The following SACS variants were observed in gnomAD, a reference collection of about 807,000 sequenced individuals.
The protein encoded by SACS is sacsin.
In SACS, 197 loss-of-function variants were observed where a neutral mutation model predicts 348.0. That is an observed-to-expected ratio of 0.57 (90% confidence interval 0.50 to 0.64). The LOEUF is 0.64. SACS is among the 30% of genes least tolerant of loss of function. The pLI is 0.00. For synonymous variants in SACS, 1,985 were observed against 1,910.6 expected (o/e 1.04, Z -1.02); for missense variants, 4,999 against 5,360.8 (o/e 0.93, Z 2.11).
intron 1 of SACS, among the ~76,000 whole-genome samples, chr13:23,412,120 G>A (rs1247338272): frequency 2.0e-5 from 3 of 152,220 alleles, no homozygotes; most frequent in East Asian, 3.9e-4. Flanking sequence ...TTAGCCGGGC[G>A]TGGTGGCGGG....
At chr13:23,347,585 G>A (rs1031850547) in intron 9 of SACS, among the ~76,000 whole-genome samples, 9 of 152,140 alleles carry the variant, frequency 5.9e-5, no homozygotes, top group African/African-American at 2.2e-4. Context: ...AGGCAATACT[G>A]ATTGAGTGCT....
chr13:23,340,423 C>A lies in SACS; in HGVS notation c.3453G>T (p.Leu1151Phe). Residue 1151 changes from leucine (L) to phenylalanine (F), a missense_variant, in exon 10 of 10, where the codon TTG becomes TTT. This residue lies in a region of SACS where 3,156 missense variants were observed against 3,380.1 expected (regional missense o/e 0.93). Transcript: ENST00000382292. ...AGGCTGGAACCCATTTTATTTTCTT[C>A]AATGTCATCTTTCCTTCAGATGATT... ...LLQSSEGKMT[L>F]KKIKWVPACK... 6.2e-7 allele frequency: 1 copy of A among 1,614,104 alleles called. No individual in the cohort carries two copies. The highest frequency in any genetic ancestry group is 8.5e-7 in the Non-Finnish European group (1 of 1,180,004).
chr13:23,378,426 A>G, intron 2 of SACS, among the ~76,000 whole-genome samples: 1 of 152,120 alleles, frequency 6.6e-6, no homozygotes, highest in East Asian at 1.9e-4. Flanking sequence ...GAGGTTTTTC[A>G]GTTCCTCTTA....
At position 23,334,589 on chromosome 13, in the gene SACS, G is replaced by A; in HGVS notation, c.9287C>T (p.Ala3096Val). Residue 3096 changes from alanine to valine, a missense_variant, in exon 10 of 10, where the codon GCT becomes GTT. By Grantham distance (64) the Ala-to-Val change is moderately conservative. Coordinates refer to ENST00000382292, the MANE Select transcript of SACS (RefSeq NM_014363.6). ...TGTCATTAAAAAAGATCTGATATCA[G>A]CAGGGGTCACATAACTAACAGGAAT... ...ADIPVSYVTP[A>V]DIRSFLMTFS... 6.2e-7 allele frequency: 1 copy of A among 1,613,414 alleles called. No individual in the cohort carries two copies. The highest frequency in any genetic ancestry group is 8.5e-7 in the Non-Finnish European group (1 of 1,179,706).
At chr13:23,377,561 C>A (rs1024790296) in intron 2 of SACS, among the ~76,000 whole-genome samples, 1 of 152,150 alleles carries the variant, frequency 6.6e-6, no homozygotes, top group Non-Finnish European at 1.5e-5. Flanking sequence ...CCATCCAGTG[C>A]CCTCCACTTG....
Position 23,340,105 on chromosome 13 carries a change from T to A in SACS, c.3771A>T (p.Gly1257=), listed in dbSNP as rs761920446. The A allele has an allele frequency of 8.7e-6, 14 of 1,613,878 alleles. No individual in the cohort carries two copies. In the African/African-American group the frequency reaches 1.7e-4, roughly 20 times the overall value. ...CTTCATTTAGATGATCATGCATGAA[T>A]CCGTAAATCTCAAGCAAAATATGCT... ...QFQHILLEIY[G]FMHDHLNEGK... The change falls in exon 10 of 10, where the codon GGA becomes GGT. Residue 1257 remains glycine (G), a synonymous_variant. Coordinates refer to ENST00000382292, the MANE Select transcript of SACS (RefSeq NM_014363.6).
At chr13:23,393,693 G>A (rs1872611594) in intron 2 of SACS, among the ~76,000 whole-genome samples, 1 of 152,186 alleles carries the variant, frequency 6.6e-6, no homozygotes, top group Non-Finnish European at 1.5e-5. Flanking sequence ...AGTGATAGGA[G>A]TGTCTTTTGT....
At chr13:23,350,715 G>A (rs1374381992) in intron 9 of SACS, among the ~76,000 whole-genome samples, 1 of 152,112 alleles carries the variant, frequency 6.6e-6, no homozygotes, top group Non-Finnish European at 1.5e-5. Context: ...ATCAAATGTA[G>A]TTACATGTCT....
intron 2 of SACS, 84 bp from the exon 3 acceptor site, chr13:23,375,353 T>A (rs1055008482): frequency 4.7e-6 from 6 of 1,276,666 alleles, no homozygotes; most frequent in Non-Finnish European, 5.9e-6. Context: ...CCGCGTTACC[T>A]CTCCCACATC....
Position 23,329,923 on chromosome 13 carries a change from G to A in SACS, c.*213C>T, listed in dbSNP as rs1883359043. The A allele has an allele frequency of 5.2e-6, 3 of 575,768 alleles. No homozygotes were observed. The highest frequency in any genetic ancestry group is 9.2e-6 in the Non-Finnish European group (3 of 324,568). 35.7% of individuals were successfully genotyped at this position (575,768 alleles called of 1,614,324 possible). On this transcript the variant is annotated 3_prime_UTR_variant, in exon 10 of 10. Transcript: ENST00000382292. The stretch of plus-strand genomic sequence containing the variant: ...TCATTCAAATCCATCCAGCTATTTT[G>A]CAGCTCACCACCATCTTCAAAATAG...
Position 23,339,270 on chromosome 13 carries a change from C to A in SACS, c.4606G>T (p.Val1536Leu), listed in dbSNP as rs764832688. The A allele has an allele frequency of 1.2e-6, 2 of 1,602,966 alleles. No individual in the cohort carries two copies. Among genetic ancestry groups the A allele is most frequent in the South Asian group, 2.3e-5 (2 of 88,322 alleles). ...NNSQFSDSDF[V>L]NITRLGESLK... ...GATTCTCCTAACCTAGTTATGTTCA[C>A]AAAATCTGAATCTGAGAATTGAGAA... The change falls in exon 10 of 10, where the codon GTG (valine) becomes TTG (leucine). Residue 1536 changes from valine to leucine, a missense_variant. By Grantham distance (32) the Val-to-Leu change is conservative (BLOSUM62 1). This residue lies in a region of SACS where 3,156 missense variants were observed against 3,380.1 expected (regional missense o/e 0.93). Coordinates refer to ENST00000382292, the MANE Select transcript of SACS (RefSeq NM_014363.6).
intron 2 of SACS, among the ~76,000 whole-genome samples, chr13:23,405,494 G>A (rs531357778): frequency 6.6e-6 from 1 of 152,304 alleles, no homozygotes; most frequent in African/African-American, 2.4e-5. Flanking sequence ...ATAGGCATGG[G>A]CAAAGACTTC....
intron 2 of SACS, among the ~76,000 whole-genome samples, chr13:23,381,415 C>G (rs972530207): frequency 6.7e-6 from 1 of 148,980 alleles, no homozygotes; most frequent in African/African-American, 2.5e-5. Flanking sequence ...TCTGGCTGGA[C>G]GTGGGCAGCA....
At chr13:23,428,811 T>G (rs1874300719) in intron 1 of SACS, 1 of 152,246 alleles carries the variant, frequency 6.6e-6, no homozygotes, top group South Asian at 2.1e-4. Context: ...TATTCACCTT[T>G]GACTCTCCTA....
chr13:23,392,093 C>T (rs187651190), intron 2 of SACS, among the ~76,000 whole-genome samples: 61 of 152,302 alleles, frequency 4.0e-4, no homozygotes, highest in Non-Finnish European at 6.6e-4. Context: ...ACCAAGTCTA[C>T]CGGGTCCCCC....
chr13:23,404,852 G>A (rs1472129220), intron 2 of SACS, among the ~76,000 whole-genome samples: 2 of 152,076 alleles, frequency 1.3e-5, no homozygotes, highest in African/African-American at 2.4e-5. Context: ...CACCTTACAT[G>A]GGATGTGAAG....
chr13:23,405,305 T>C (rs959906379), intron 2 of SACS, among the ~76,000 whole-genome samples: 7 of 152,124 alleles, frequency 4.6e-5, no homozygotes, highest in Admixed American at 3.9e-4. Context: ...AAACAAGCAA[T>C]GGGGAAAAGA....
At chr13:23,403,354 T>C (rs1383799496) in intron 2 of SACS, among the ~76,000 whole-genome samples, 1 of 152,224 alleles carries the variant, frequency 6.6e-6, no homozygotes, top group Non-Finnish European at 1.5e-5. Flanking sequence ...CTCCTCTTTT[T>C]ACCTCTGGTA....
intron 2 of SACS, among the ~76,000 whole-genome samples, chr13:23,384,451 T>A (rs1211219838): frequency 6.6e-6 from 1 of 152,254 alleles, no homozygotes; most frequent in African/African-American, 2.4e-5. Flanking sequence ...ACCATCTCTG[T>A]ACAAATTTAA....
Sources: gnomAD v4.1 joint callset for allele counts (sites outside exome capture counted in the v4.1 genomes callset) on GRCh38, gnomAD v4.1.1 for gene constraint, gnomAD v4.1.1 regional missense constraint, MANE v1.5 for transcripts, NCBI Gene and HGNC (gene_info 2026-07-23, HGNC 2026-07-21) for gene names.